ABTB2: variants seen among roughly 807,000 people sequenced by gnomAD.
ABTB2 encodes ankyrin repeat and BTB domain containing 2, also known as ankyrin repeat and BTB/POZ domain-containing protein 2.
Under a neutral mutation model 104.1 loss-of-function variants are expected in ABTB2, and 56 were observed. The ratio of observed to expected loss-of-function variants is 0.54; its 90% CI spans 0.43 to 0.67. The LOEUF (loss-of-function observed/expected upper bound fraction) is 0.67. Among genes scored for constraint, ABTB2 ranks in the 30% least tolerant of loss-of-function variants. ABTB2 has a pLI of 0.00. For synonymous variants in ABTB2, 606 were observed against 608.2 expected (o/e 1.00, Z 0.05); for missense variants, 1,279 against 1,407.7 (o/e 0.91, Z 1.46).
chr11:34,248,617 G>C (rs941680163), intron 1 of ABTB2, among the ~76,000 whole-genome samples: 1 of 152,216 alleles, frequency 6.6e-6, no homozygotes, highest in African/African-American at 2.4e-5. Flanking sequence ...CAAAGGTACT[G>C]TTTGGGCCTT....
At chr11:34,254,586 T>C (rs958181851) in intron 1 of ABTB2, among the ~76,000 whole-genome samples, 1 of 152,056 alleles carries the variant, frequency 6.6e-6, no homozygotes, top group Non-Finnish European at 1.5e-5. Flanking sequence ...CTTACATTCA[T>C]GTATGGTGGT....
chr11:34,229,248 C>A (rs903669390), intron 1 of ABTB2, among the ~76,000 whole-genome samples: 1 of 151,478 alleles, frequency 6.6e-6, no homozygotes, highest in Non-Finnish European at 1.5e-5. Context: ...TTTGGGAGGC[C>A]GAGGTGGGCG....
In ABTB2 at chr11:34,282,791, C is replaced by T. The variant is rs144456189; in HGVS notation, c.883+73910G>A. ...AGGTGATTCGCCCACCTCGGCCTCC[C>T]AAAATGCTGGGACTACAAGCATGAG... On this transcript the variant is annotated intron_variant, in intron 1 of 16. Transcript: ENST00000435224. Among the ~76,000 whole-genome samples, 4 of 152,204 alleles carry T rather than the reference C, an allele frequency of 2.6e-5. 1 individual carries two copies. Among genetic ancestry groups the T allele is most frequent in the Non-Finnish European group, 5.9e-5 (4 of 67,990 alleles).
At chr11:34,262,587 C>T (rs1175607092) in intron 1 of ABTB2, among the ~76,000 whole-genome samples, 1 of 152,200 alleles carries the variant, frequency 6.6e-6, no homozygotes. Context: ...AGCCCACCCC[C>T]ACAATCTTTC....
At chr11:34,293,383 C>T (rs1299363225) in intron 1 of ABTB2, among the ~76,000 whole-genome samples, 2 of 152,110 alleles carry the variant, frequency 1.3e-5, no homozygotes, top group African/African-American at 4.8e-5. Context: ...CGAAGTGACT[C>T]TCAGAGCCAG....
At chr11:34,289,690 C>A (rs572195654) in intron 1 of ABTB2, among the ~76,000 whole-genome samples, 5 of 152,320 alleles carry the variant, frequency 3.3e-5, no homozygotes, top group African/African-American at 1.2e-4. Context: ...CAAATGGCTT[C>A]TTCTGGAGTT....
At chr11:34,185,489 T>C (rs576148593) in intron 3 of ABTB2, among the ~76,000 whole-genome samples, 18 of 152,340 alleles carry the variant, frequency 1.2e-4, no homozygotes, top group African/African-American at 4.1e-4. Flanking sequence ...GCCAGGTGGG[T>C]GTGAGGTTGC....
At chr11:34,320,786 G>T (rs569444589) in intron 1 of ABTB2, among the ~76,000 whole-genome samples, 1 of 152,304 alleles carries the variant, frequency 6.6e-6, no homozygotes, top group Admixed American at 6.5e-5. Flanking sequence ...TGGTTAGCAA[G>T]CAGCACATTC....
At chr11:34,160,086 G>A (rs1852687431) in intron 12 of ABTB2, 78 bp from the exon 13 acceptor site, 24 of 1,338,580 alleles carry the variant, frequency 1.8e-5, no homozygotes, top group East Asian at 4.6e-5. Flanking sequence ...TGTGAGGTGC[G>A]TGTCTGGGGT....
At chr11:34,263,033 A>G (rs1285110223) in intron 1 of ABTB2, among the ~76,000 whole-genome samples, 2 of 152,196 alleles carry the variant, frequency 1.3e-5, no homozygotes, top group Admixed American at 6.5e-5. Context: ...GAGCTCACTC[A>G]CAGCCCAGGG....
rs535237091 is a variant in ABTB2, at chr11:34,321,459, T to C, written c.883+35242A>G. Reference sequence around the variant, plus strand: ...TTCTGTCTCAAAGTAAATAAAAACCTATTAGAGACAATATTGCTTTATCCA... The same window carrying C: ...TTCTGTCTCAAAGTAAATAAAAACCCATTAGAGACAATATTGCTTTATCCA... On this transcript the variant is annotated intron_variant, in intron 1 of 16. Coordinates refer to ENST00000435224, the MANE Select transcript of ABTB2 (RefSeq NM_145804.3). Among the ~76,000 whole-genome samples, 7 of 152,370 alleles carry C rather than the reference T, an allele frequency of 4.6e-5. No homozygotes were observed. In the East Asian group the frequency reaches 1.3e-3, roughly 29 times the overall value.
intron 3 of ABTB2, among the ~76,000 whole-genome samples, chr11:34,196,429 C>T (rs181519913): frequency 2.6e-5 from 4 of 152,320 alleles, no homozygotes; most frequent in Admixed American, 6.5e-5. Flanking sequence ...TGGCGGGCAC[C>T]TGTAGTCCCA....
chr11:34,326,615 G>GCC (rs1855073545), intron 1 of ABTB2, among the ~76,000 whole-genome samples: 1 of 149,284 alleles, frequency 6.7e-6, no homozygotes, highest in Non-Finnish European at 1.5e-5. Context: ...GGGTGTCAGA[G>GCC]GGAGACCCTG....
At chr11:34,297,213 T>C (rs1345974842) in intron 1 of ABTB2, among the ~76,000 whole-genome samples, 1 of 152,204 alleles carries the variant, frequency 6.6e-6, no homozygotes, top group African/African-American at 2.4e-5. Flanking sequence ...GATTTATGAA[T>C]GATTTGCTTT....
chr11:34,248,111 A>C lies in ABTB2; in HGVS notation c.884-43421T>G, dbSNP rs1255434758. ...TAATTTTTCTTAAAAAAAAAAAAAA[A>C]AAAAAAAAAAACAGGGTCTTGCCCT... On this transcript the variant is annotated intron_variant, in intron 1 of 16. Transcript: ENST00000435224. Among the ~76,000 whole-genome samples the C allele has an allele frequency of 3.1e-4, 21 of 67,964 alleles. 2 individuals carry two copies. Among genetic ancestry groups the C allele is most frequent in the Non-Finnish European group, 4.5e-4 (16 of 35,528 alleles). 44.6% of individuals were successfully genotyped at this position (67,964 alleles called of 152,430 possible). A position where few individuals can be genotyped will look rare whatever the true frequency, so the allele number is the denominator to read the frequency against.
In ABTB2 at chr11:34,356,856, C is replaced by G. The variant is rs746564256; in HGVS notation, c.728G>C (p.Arg243Pro). 11 of 1,605,328 alleles carry G rather than the reference C, an allele frequency of 6.9e-6. No homozygotes were observed. Among genetic ancestry groups the G allele is most frequent in the Non-Finnish European group, 9.4e-6 (11 of 1,176,152 alleles). Residue 243 changes from arginine (R) to proline (P), a missense_variant, in exon 1 of 17, where the codon CGG becomes CCG. Transcript: ENST00000435224. This position sits in a 1 kb window ranked among gnomAD's most constrained non-coding sequence, Gnocchi z 4.6. Reference protein sequence around the residue: ...ACMENLVEEIRARVMASHSPD... With the variant: ...ACMENLVEEIPARVMASHSPD... ...GCTGTGGCTGGCCATCACCCTGGCCCGGATCTCCTCCACCAGGTTCTCCAT... is the reference window on the plus strand; with the variant it reads ...GCTGTGGCTGGCCATCACCCTGGCCGGGATCTCCTCCACCAGGTTCTCCAT...
chr11:34,306,057 A>G (rs1255289015), intron 1 of ABTB2, among the ~76,000 whole-genome samples: 2 of 152,100 alleles, frequency 1.3e-5, no homozygotes, highest in Non-Finnish European at 2.9e-5. Flanking sequence ...AAAACATACC[A>G]AAGTCTATTC....
chr11:34,250,339 G>T (rs1439931854), intron 1 of ABTB2, among the ~76,000 whole-genome samples: 1 of 152,188 alleles, frequency 6.6e-6, no homozygotes. Flanking sequence ...GCAATCTGTA[G>T]GGCCAGGGAA....
chr11:34,160,131 CTG>C (rs1590201895), intron 12 of ABTB2, 115 bp downstream of exon 12: 74 of 1,267,310 alleles, frequency 5.8e-5, no homozygotes, highest in Non-Finnish European at 8.2e-5. Context: ...AACAGAGAAA[CTG>C]AGGCTGGGGC....
Sources: gnomAD v4.1 joint callset for allele counts (sites outside exome capture counted in the v4.1 genomes callset) on GRCh38, gnomAD v4.1.1 for gene constraint, Gnocchi (gnomAD v3.1) non-coding constraint, MANE v1.5 for transcripts, NCBI Gene and HGNC (gene_info 2026-07-23, HGNC 2026-07-21) for gene names.